PTPRG: variants seen among roughly 807,000 people sequenced by gnomAD.
PTPRG encodes receptor-type tyrosine-protein phosphatase gamma.
PTPRG carries 102 observed loss-of-function variants against 165.3 expected under a neutral mutation model. The ratio of observed to expected loss-of-function variants is 0.62; its 90% CI spans 0.53 to 0.73. The LOEUF (loss-of-function observed/expected upper bound fraction) is 0.73, where lower values mean the gene tolerates loss of function less well. PTPRG is among the 30% of genes least tolerant of loss of function. The pLI, the probability that PTPRG is intolerant of heterozygous loss-of-function variation, is 0.00. For missense variants in PTPRG, 1,866 were observed against 1,861.4 expected (o/e 1.00, Z -0.05); for synonymous variants, 675 against 669.5 (o/e 1.01, Z -0.13).
chr3:61,696,709 C>G (rs6763976), intron 1 of PTPRG, among the ~76,000 whole-genome samples: 17,406 of 152,228 alleles, frequency 0.11, 1,105 homozygotes, highest in East Asian at 0.19. Flanking sequence ...GGGGAAGCGA[C>G]TAGAGCCCTA....
intron 12 of PTPRG, among the ~76,000 whole-genome samples, chr3:62,209,222 A>C (rs978030032): frequency 6.6e-6 from 1 of 152,212 alleles, no homozygotes; most frequent in Non-Finnish European, 1.5e-5. Context: ...TTTAGTTGTC[A>C]TAACTGGCAC....
chr3:62,101,666 G>A (rs1702293488), intron 5 of PTPRG, among the ~76,000 whole-genome samples: 1 of 152,176 alleles, frequency 6.6e-6, no homozygotes, highest in Admixed American at 6.5e-5. Flanking sequence ...GTAGAATTTG[G>A]CAGTGGCCTC....
At chr3:62,238,264 C>G (rs1040481595) in intron 14 of PTPRG, among the ~76,000 whole-genome samples, 1 of 152,126 alleles carries the variant, frequency 6.6e-6, no homozygotes, top group African/African-American at 2.4e-5. Context: ...CTTGTGCAAA[C>G]TGAGCTCTTT....
chr3:61,770,454 A>T (rs1039567211), intron 2 of PTPRG: 4 of 152,196 alleles, frequency 2.6e-5, no homozygotes, highest in African/African-American at 4.8e-5. Context: ...ACTGCTGAAT[A>T]TACATACGTT....
chr3:61,581,104 C>G (rs952821315), intron 1 of PTPRG, among the ~76,000 whole-genome samples: 1 of 152,196 alleles, frequency 6.6e-6, no homozygotes, highest in African/African-American at 2.4e-5. Flanking sequence ...GCCAAGGAAG[C>G]AGCCATGTAG....
intron 5 of PTPRG, among the ~76,000 whole-genome samples, chr3:62,127,181 C>T (rs1325003547): frequency 6.6e-6 from 1 of 152,200 alleles, no homozygotes; most frequent in Non-Finnish European, 1.5e-5. Flanking sequence ...GCAGTGATCT[C>T]TTTCTGGGTA....
intron 19 of PTPRG, 78 bp downstream of exon 19, chr3:62,267,897 G>A: frequency 6.7e-7 from 1 of 1,500,490 alleles, no homozygotes; most frequent in South Asian, 1.3e-5. Context: ...CTTTAGGGTA[G>A]GAACTTGACA....
chr3:61,592,480 T>C (rs1190447078), intron 1 of PTPRG, among the ~76,000 whole-genome samples: 1 of 152,156 alleles, frequency 6.6e-6, no homozygotes, highest in Non-Finnish European at 1.5e-5. Flanking sequence ...GAATTTTCCC[T>C]TTCTCTGAAG....
intron 1 of PTPRG, among the ~76,000 whole-genome samples, chr3:61,737,350 C>T (rs188956372): frequency 5.3e-5 from 8 of 152,204 alleles, no homozygotes; most frequent in Admixed American, 2.0e-4. Flanking sequence ...AGGGCAGGAA[C>T]GGTGTAGAGT....
At chr3:61,635,873 C>A (rs878879628) in intron 1 of PTPRG, among the ~76,000 whole-genome samples, 1 of 152,094 alleles carries the variant, frequency 6.6e-6, no homozygotes, top group Admixed American at 6.5e-5. Flanking sequence ...AGAGATGGTT[C>A]CTTAGAGCTC....
intron 1 of PTPRG, among the ~76,000 whole-genome samples, chr3:61,572,099 CT>C (rs1424951815): frequency 1.3e-5 from 2 of 152,168 alleles, no homozygotes; most frequent in East Asian, 3.8e-4. Flanking sequence ...CACTTGTTGA[CT>C]TTTTCCTGTG....
chr3:61,605,281 A>G (rs1047001314), intron 1 of PTPRG, among the ~76,000 whole-genome samples: 8 of 152,116 alleles, frequency 5.3e-5, no homozygotes, highest in Non-Finnish European at 1.0e-4. Flanking sequence ...TTTGATACAG[A>G]GTCTTGCTCT....
At chr3:62,280,292 C>A (rs1702385843) in intron 26 of PTPRG, among the ~76,000 whole-genome samples, 1 of 151,970 alleles carries the variant, frequency 6.6e-6, no homozygotes, top group Non-Finnish European at 1.5e-5. Flanking sequence ...CTCCCCAAGG[C>A]CTTGTGTCCT....
chr3:62,135,126 T>C (rs529391668), intron 6 of PTPRG, among the ~76,000 whole-genome samples: 1 of 151,350 alleles, frequency 6.6e-6, no homozygotes, highest in Non-Finnish European at 1.5e-5. Flanking sequence ...ATACAAAAAT[T>C]AACTAGGCGT....
chr3:61,832,610 A>G (rs898491207), intron 2 of PTPRG, among the ~76,000 whole-genome samples: 3 of 152,152 alleles, frequency 2.0e-5, no homozygotes, highest in Non-Finnish European at 4.4e-5. Flanking sequence ...TAGGGTAGGT[A>G]TCATTATCTT....
Position 61,562,016 on chromosome 3 carries a change from G to C in PTPRG, c.-272G>C. ...CGCCGACTCCGCGCCCTGCCCGATC[G>C]GCTCTCTCCTTTTTAAACGGAAAGC... is the stretch of plus-strand genomic sequence containing the variant. On this transcript the variant is annotated 5_prime_UTR_variant, in exon 1 of 30. Coordinates refer to ENST00000474889, the MANE Select transcript of PTPRG (RefSeq NM_002841.4). 2.9e-6 allele frequency: 1 copy of C among 339,224 alleles called. No individual in the cohort carries two copies. The highest frequency in any genetic ancestry group is 5.3e-6 in the Non-Finnish European group (1 of 187,614). 21.0% of individuals were successfully genotyped at this position (339,224 alleles called of 1,614,324 possible).
intron 4 of PTPRG, among the ~76,000 whole-genome samples, chr3:62,058,813 C>CA (rs1700714148): frequency 6.6e-6 from 1 of 152,168 alleles, no homozygotes; most frequent in South Asian, 2.1e-4. Flanking sequence ...AGAAAGAAAA[C>CA]AGAGCCCCAG....
intron 1 of PTPRG, among the ~76,000 whole-genome samples, chr3:61,620,008 T>A (rs1240647633): frequency 1.3e-5 from 2 of 152,232 alleles, no homozygotes; most frequent in African/African-American, 4.8e-5. Context: ...GAAGATTGGC[T>A]GTGTAGAGCC....
intron 1 of PTPRG, among the ~76,000 whole-genome samples, chr3:61,622,909 A>C (rs992174586): frequency 6.6e-6 from 1 of 152,214 alleles, no homozygotes; most frequent in Non-Finnish European, 1.5e-5. Flanking sequence ...AGTACAAAAA[A>C]GGGACAGTAT....
Sources: allele counts gnomAD v4.1 joint callset (sites outside exome capture counted in the v4.1 genomes callset), GRCh38; gene constraint gnomAD v4.1.1; transcripts MANE v1.5; gene names NCBI Gene and HGNC (gene_info 2026-07-23, HGNC 2026-07-21).